CPQ: variants seen among roughly 807,000 people sequenced by gnomAD.
CPQ encodes the protein carboxypeptidase Q.
In CPQ, 37 loss-of-function variants were observed where a neutral mutation model predicts 45.7. The ratio of observed to expected loss-of-function variants is 0.81; its 90% CI spans 0.62 to 1.07. The LOEUF (loss-of-function observed/expected upper bound fraction) is 1.07, where lower values mean the gene tolerates loss of function less well. Ranked by LOEUF, CPQ falls within the 50% of genes least tolerant of loss-of-function variation. The pLI is 0.00. For synonymous variants in CPQ, 186 were observed against 205.8 expected (o/e 0.90, Z 0.82); for missense variants, 537 against 572.9 (o/e 0.94, Z 0.64).
intron 1 of CPQ, among the ~76,000 whole-genome samples, chr8:96,744,247 C>T (rs371025076): frequency 6.6e-6 from 1 of 152,220 alleles, no homozygotes; most frequent in African/African-American, 2.4e-5. Flanking sequence ...TTCCAGATGC[C>T]GTCTGTCACC....
intron 7 of CPQ, among the ~76,000 whole-genome samples, chr8:97,130,781 G>A (rs1811941085): frequency 6.6e-6 from 1 of 152,064 alleles, no homozygotes; most frequent in Non-Finnish European, 1.5e-5. Context: ...TTCCCAGGCT[G>A]CTTCTTAACA....
intron 2 of CPQ, among the ~76,000 whole-genome samples, chr8:96,812,738 A>G (rs999616972): frequency 6.6e-6 from 1 of 152,038 alleles, no homozygotes; most frequent in African/African-American, 2.4e-5. Context: ...GGAGGAAACC[A>G]GGGGTTGCCA....
intron 1 of CPQ, among the ~76,000 whole-genome samples, chr8:96,752,229 A>G (rs1181718585): frequency 2.0e-5 from 3 of 152,182 alleles, no homozygotes; most frequent in East Asian, 1.9e-4. Flanking sequence ...CAGTATGACC[A>G]TTTTGATGAT....
intron 6 of CPQ, among the ~76,000 whole-genome samples, chr8:97,064,272 G>T (rs58026817): frequency 6.6e-6 from 1 of 152,158 alleles, no homozygotes; most frequent in African/African-American, 2.4e-5. Flanking sequence ...AGAGGGAAAG[G>T]GTTTAGGGTT....
At chr8:96,898,843 G>A (rs1389758368) in intron 4 of CPQ, among the ~76,000 whole-genome samples, 1 of 150,820 alleles carries the variant, frequency 6.6e-6, no homozygotes, top group Non-Finnish European at 1.5e-5. Flanking sequence ...GGGGAGTGGC[G>A]AAATGTAAAG....
At chr8:97,131,140 T>G (rs1452942005) in intron 7 of CPQ, among the ~76,000 whole-genome samples, 1 of 152,266 alleles carries the variant, frequency 6.6e-6, no homozygotes. Flanking sequence ...GTCTTCCTTT[T>G]AGTTCTTCCC....
At position 96,696,169 on chromosome 8, in the gene CPQ, T is replaced by G. The variant is rs1401099650; in HGVS notation, c.-35+50767T>G. On this transcript the variant is annotated intron_variant, in intron 1 of 7. Transcript: ENST00000220763. ...ACATGGATGAAATTGGAAATCATCA[T>G]TCTCAGTAAACTATCGCAAGAACAA... is the stretch of plus-strand genomic sequence containing the variant. 1.1e-3 allele frequency among the ~76,000 whole-genome samples: 169 copies of G among 151,896 alleles called. 1 individual carries two copies. Among genetic ancestry groups the G allele is most frequent in the African/African-American group, 3.8e-3 (157 of 41,346 alleles).
intron 4 of CPQ, among the ~76,000 whole-genome samples, chr8:96,899,468 C>T (rs958047810): frequency 8.5e-5 from 13 of 152,230 alleles, no homozygotes; most frequent in Non-Finnish European, 1.3e-4. Flanking sequence ...TTAATTGGCT[C>T]ATGACTCTGG....
At chr8:96,957,427 G>A (rs1316481011) in intron 4 of CPQ, among the ~76,000 whole-genome samples, 2 of 152,082 alleles carry the variant, frequency 1.3e-5, no homozygotes, top group African/African-American at 4.8e-5. Flanking sequence ...TGTTTCTTTT[G>A]GTAGGAAGCA....
At chr8:96,887,381 C>T (rs1812319335) in intron 4 of CPQ, among the ~76,000 whole-genome samples, 1 of 152,202 alleles carries the variant, frequency 6.6e-6, no homozygotes, top group South Asian at 2.1e-4. Flanking sequence ...TGAGAGCGAG[C>T]TGCTTTCTTG....
intron 7 of CPQ, among the ~76,000 whole-genome samples, chr8:97,078,692 A>T (rs1268734057): frequency 1.3e-5 from 2 of 151,792 alleles, no homozygotes; most frequent in Non-Finnish European, 2.9e-5. Flanking sequence ...TAGTATGTAT[A>T]TTCTACTAGA....
At chr8:96,667,737 C>G (rs751538305) in intron 1 of CPQ, among the ~76,000 whole-genome samples, 2 of 152,166 alleles carry the variant, frequency 1.3e-5, no homozygotes, top group East Asian at 1.9e-4. Context: ...GTTCCCAACC[C>G]GAAATCCCCT....
intron 7 of CPQ, among the ~76,000 whole-genome samples, chr8:97,079,410 G>A (rs1335563932): frequency 6.6e-6 from 1 of 152,112 alleles, no homozygotes. Flanking sequence ...TTTACTATGT[G>A]TCAAAATTAT....
intron 5 of CPQ, among the ~76,000 whole-genome samples, chr8:97,016,825 G>A (rs926332246): frequency 4.6e-5 from 7 of 152,176 alleles, no homozygotes; most frequent in African/African-American, 1.7e-4. Context: ...CCTGTTCAGG[G>A]ACTGGTAGGA....
At chr8:96,823,357 A>G (rs1161096451) in intron 2 of CPQ, among the ~76,000 whole-genome samples, 1 of 151,994 alleles carries the variant, frequency 6.6e-6, no homozygotes, top group Non-Finnish European at 1.5e-5. Flanking sequence ...CTTGTAGGCA[A>G]ATAACTTTCT....
At chr8:96,908,554 G>T (rs1812611408) in intron 4 of CPQ, among the ~76,000 whole-genome samples, 1 of 152,124 alleles carries the variant, frequency 6.6e-6, no homozygotes, top group East Asian at 1.9e-4. Flanking sequence ...TTACCTCAGA[G>T]AAAAATCTGA....
chr8:96,717,421 T>C (rs1438262031), intron 1 of CPQ, among the ~76,000 whole-genome samples: 1 of 152,076 alleles, frequency 6.6e-6, no homozygotes, highest in African/African-American at 2.4e-5. Flanking sequence ...TCTATGTGCC[T>C]ATTTTTATAC....
chr8:96,797,281 G>T lies in CPQ; in HGVS notation c.433+11951G>T, dbSNP rs190832958. On this transcript the variant is annotated intron_variant, in intron 2 of 7. Transcript: ENST00000220763. ...AATCCCAGGAATGTAGTTCTTAGGT[G>T]TTCAGTCTTTGTGACTCAGAAAAGC... Among the ~76,000 whole-genome samples the T allele has an allele frequency of 2.3e-3, 349 of 152,308 alleles. 4 individuals carry two copies. The highest frequency in any genetic ancestry group is 8.2e-3 in the African/African-American group (341 of 41,578).
At chr8:96,693,982 A>G (rs1366707283) in intron 1 of CPQ, among the ~76,000 whole-genome samples, 1 of 152,164 alleles carries the variant, frequency 6.6e-6, no homozygotes, top group Non-Finnish European at 1.5e-5. Context: ...GACGAAGTAA[A>G]AGTGTAGAGT....
Sources: allele counts gnomAD v4.1 joint callset (sites outside exome capture counted in the v4.1 genomes callset), GRCh38; gene constraint gnomAD v4.1.1; transcripts MANE v1.5; gene names NCBI Gene and HGNC (gene_info 2026-07-23, HGNC 2026-07-21).